The following SLC38A11 variants were observed in gnomAD, a reference collection of about 807,000 sequenced individuals.
The protein encoded by SLC38A11 is solute carrier family 38 member 11, also known as putative sodium-coupled neutral amino acid transporter 11.
A neutral mutation model predicts 49.4 loss-of-function variants in SLC38A11; 51 were observed. The observed-to-expected ratio is 1.03, with a 90% CI of 0.83 to 1.30. SLC38A11 has a LOEUF of 1.30. Among genes scored for constraint, SLC38A11 ranks in the 50% most tolerant of loss-of-function variants. SLC38A11 has a pLI of 0.00. For synonymous variants in SLC38A11, 203 were observed against 192.9 expected (o/e 1.05, Z -0.43); for missense variants, 574 against 556.2 (o/e 1.03, Z -0.32).
chr2:164,932,562 A>G (rs1041288381), intron 7 of SLC38A11, among the ~76,000 whole-genome samples: 2 of 152,170 alleles, frequency 1.3e-5, no homozygotes, highest in South Asian at 4.1e-4. Flanking sequence ...TGCAGCCATA[A>G]AAAGATCATG....
chr2:164,942,977 G>A (rs747210153), intron 5 of SLC38A11, among the ~76,000 whole-genome samples: 11 of 152,180 alleles, frequency 7.2e-5, no homozygotes, highest in Non-Finnish European at 1.0e-4. Flanking sequence ...CTATGTCTCC[G>A]TGATCTCAAG....
chr2:164,909,950 T>C (rs990520662), intron 10 of SLC38A11, among the ~76,000 whole-genome samples: 6 of 152,274 alleles, frequency 3.9e-5, no homozygotes, highest in Middle Eastern at 3.4e-3. Flanking sequence ...TTAAGATCCA[T>C]TCTTACAGAT....
At chr2:164,938,949 T>C (rs1356334880) in intron 6 of SLC38A11, among the ~76,000 whole-genome samples, 1 of 152,130 alleles carries the variant, frequency 6.6e-6, no homozygotes, top group African/African-American at 2.4e-5. Flanking sequence ...TCTTTAGTAA[T>C]ATGAATCATA....
At chr2:164,948,716 G>A (rs1688304379) in intron 3 of SLC38A11, among the ~76,000 whole-genome samples, 1 of 152,084 alleles carries the variant, frequency 6.6e-6, no homozygotes. Flanking sequence ...TCAGGAAGTG[G>A]TAATGATTAT....
At position 164,941,294 on chromosome 2, in the gene SLC38A11, C is replaced by T. The variant is rs141458595; in HGVS notation, c.431-1738G>A. On this transcript the variant is annotated intron_variant, in intron 5 of 11. Coordinates refer to ENST00000685975, the MANE Select transcript of SLC38A11 (RefSeq NM_001351537.2). ...ATACCAACATTTCTTGTTACTTTGA[C>T]TTATATCAAGAGCCAAGGTTTTGGC... 7.0e-4 allele frequency among the ~76,000 whole-genome samples: 107 copies of T among 152,216 alleles called. 1 individual carries two copies. Among genetic ancestry groups the T allele is most frequent in the Non-Finnish European group, 1.3e-3 (87 of 67,982 alleles).
intron 7 of SLC38A11, among the ~76,000 whole-genome samples, chr2:164,917,804 A>AT (rs1424406862): frequency 1.3e-5 from 2 of 151,908 alleles, no homozygotes; most frequent in Non-Finnish European, 2.9e-5. Context: ...TTTCATTTTC[A>AT]TTTTTTCTCT....
intron 7 of SLC38A11, among the ~76,000 whole-genome samples, chr2:164,925,820 AGAAGAGT>A (rs1686534953): frequency 6.6e-6 from 1 of 152,160 alleles, no homozygotes; most frequent in Non-Finnish European, 1.5e-5. Flanking sequence ...CCCAGTACCT[AGAAGAGT>A]GACTTACCCA....
In SLC38A11 at chr2:164,945,602, G is replaced by A. The variant is rs140192021; in HGVS notation, c.355C>T (p.Pro119Ser). 4.6e-4 allele frequency: 736 copies of A among 1,591,866 alleles called. 5 individuals carry two copies. In the East Asian group the frequency reaches 0.016, roughly 34 times the overall value. ...TTCACAGTCAACTTACCTATAAAAG[G>A]ATACAAAAACTGAAGAACAGAGAGG... The part of the protein sequence containing the change: ...LLLSVLQFLY[P>S]FIAMISYNII... The change falls in exon 4 of 12, where the codon CCT becomes TCT. Residue 119 changes from proline to serine, a missense_variant. Transcript: ENST00000685975.
At chr2:164,952,342 C>T (rs1288089314) in intron 3 of SLC38A11, among the ~76,000 whole-genome samples, 3 of 152,158 alleles carry the variant, frequency 2.0e-5, no homozygotes, top group Non-Finnish European at 4.4e-5. Context: ...TAAGGTTGCT[C>T]ATTCACACGC....
chr2:164,940,601 C>T (rs1307573645), intron 5 of SLC38A11, among the ~76,000 whole-genome samples: 1 of 151,128 alleles, frequency 6.6e-6, no homozygotes, highest in African/African-American at 2.4e-5. Context: ...AATGACACTA[C>T]TTTTCTTAGA....
Position 164,931,241 on chromosome 2 carries a change from C to CAAAA in SLC38A11, c.617+6105_617+6108dup, listed in dbSNP as rs71028455. On this transcript the variant is annotated intron_variant, in intron 7 of 11. Coordinates refer to ENST00000685975, the MANE Select transcript of SLC38A11 (RefSeq NM_001351537.2). ...AGAGCAACAAAATACTGATCCCCCA[C>CAAAA]AAAAAAAAAAAAAAAAAAAAATCAG... Among the ~76,000 whole-genome samples the CAAAA allele has an allele frequency of 2.9e-3, 216 of 74,730 alleles. 1 individual carries two copies. Among genetic ancestry groups the CAAAA allele is most frequent in the African/African-American group, 0.011 (191 of 18,176 alleles). The allele number at this position is 74,730 out of a possible 152,430, so 49.0% of individuals were successfully genotyped here.
At chr2:164,910,907 T>C (rs964704975) in intron 10 of SLC38A11, among the ~76,000 whole-genome samples, 4 of 152,076 alleles carry the variant, frequency 2.6e-5, no homozygotes, top group African/African-American at 9.7e-5. Flanking sequence ...ACCAAAAGAA[T>C]GAATTCTCTT....
At chr2:164,939,774 T>C (rs1687626263) in intron 5 of SLC38A11, among the ~76,000 whole-genome samples, 1 of 152,034 alleles carries the variant, frequency 6.6e-6, no homozygotes, top group Admixed American at 6.6e-5. Context: ...ATACTTGAAA[T>C]GATGTTATAA....
chr2:164,937,253 G>A, intron 7 of SLC38A11, 97 bp downstream of exon 7: 1 of 808,096 alleles, frequency 1.2e-6, no homozygotes, highest in African/African-American at 1.7e-5. Flanking sequence ...TGATGTTTCT[G>A]ATACCATGGT....
At chr2:164,923,026 A>G (rs1279132381) in intron 7 of SLC38A11, among the ~76,000 whole-genome samples, 1 of 152,254 alleles carries the variant, frequency 6.6e-6, no homozygotes, top group Admixed American at 6.5e-5. Context: ...AACCATATGC[A>G]GAAGAATGAA....
intron 3 of SLC38A11, among the ~76,000 whole-genome samples, chr2:164,948,412 C>A (rs574293437): frequency 1.3e-5 from 2 of 152,184 alleles, no homozygotes; most frequent in Non-Finnish European, 2.9e-5. Flanking sequence ...TCACAACAAC[C>A]AGAGGTAGGT....
intron 11 of SLC38A11, among the ~76,000 whole-genome samples, chr2:164,902,370 T>C (rs757062712): frequency 5.3e-5 from 8 of 152,166 alleles, no homozygotes; most frequent in Non-Finnish European, 1.0e-4. Context: ...TTCACAAATG[T>C]TGTTCTCTGA....
At chr2:164,932,383 C>G (rs1047823060) in intron 7 of SLC38A11, among the ~76,000 whole-genome samples, 3 of 152,082 alleles carry the variant, frequency 2.0e-5, no homozygotes, top group Admixed American at 1.3e-4. Context: ...AACAGAGCTA[C>G]CATTTGACCC....
At chr2:164,931,616 C>T (rs535012471) in intron 7 of SLC38A11, among the ~76,000 whole-genome samples, 2 of 152,216 alleles carry the variant, frequency 1.3e-5, no homozygotes, top group East Asian at 3.9e-4. Flanking sequence ...AGAATTAGGG[C>T]TGCACAGCTA....
Sources: gnomAD v4.1 joint callset for allele counts (sites outside exome capture counted in the v4.1 genomes callset) on GRCh38, gnomAD v4.1.1 for gene constraint, MANE v1.5 for transcripts, NCBI Gene and HGNC (gene_info 2026-07-23, HGNC 2026-07-21) for gene names.